SMARCD3: variants seen among roughly 807,000 people sequenced by gnomAD.
SMARCD3 encodes SWI/SNF-related matrix-associated actin-dependent regulator of chromatin subfamily D member 3.
A neutral mutation model predicts 58.0 loss-of-function variants in SMARCD3; 14 were observed. The observed-to-expected ratio is 0.24, with a 90% confidence interval of 0.16 to 0.38. SMARCD3 has a LOEUF of 0.38. Among genes scored for constraint, SMARCD3 ranks in the 10% least tolerant of loss-of-function variants. The probability of loss-of-function intolerance (pLI) is 1.00; values close to 1 mark genes in which losing one functional copy is unlikely to be tolerated. For missense variants in SMARCD3, 408 were observed against 636.9 expected (o/e 0.64, Z 3.87); for synonymous variants, 253 against 253.8 (o/e 1.00, Z 0.03).
At chr7:151,265,957 C>T (rs574196820) in intron 2 of SMARCD3, among the ~76,000 whole-genome samples, 1 of 152,176 alleles carries the variant, frequency 6.6e-6, no homozygotes, top group Admixed American at 6.5e-5. Flanking sequence ...AATTTAACCT[C>T]AATTTTTTCT....
At position 151,242,317 on chromosome 7, in the gene SMARCD3, G is replaced by A. The variant is rs1803035138; in HGVS notation, c.580-85C>T. 3.6e-6 allele frequency: 5 copies of A among 1,391,856 alleles called. No homozygotes were observed. The highest frequency in any genetic ancestry group is 3.1e-6 in the Non-Finnish European group (3 of 980,216). 86.2% of individuals were successfully genotyped at this position (1,391,856 alleles called of 1,614,324 possible). ...GGAGGCCAAGTTGGCAGCCGACAGG[G>A]CAGTGGGCTTAGATGAAATCCTCTG... On this transcript the variant is annotated intron_variant, in intron 5 of 12. Transcript: ENST00000262188. The surrounding 1 kb of genome is among the most constrained non-coding windows in gnomAD (Gnocchi z 4.7).
chr7:151,277,132 C>T (rs1291985747), upstream of SMARCD3: 1 of 150,844 alleles, frequency 6.6e-6, no homozygotes, highest in Admixed American at 6.6e-5. Flanking sequence ...GCTCGGCGCT[C>T]GGCTCGGCCC....
chr7:151,245,463 C>A lies in SMARCD3; in HGVS notation c.287G>T (p.Arg96Leu). 1 of 1,212,642 alleles carries A rather than the reference C, an allele frequency of 8.2e-7. No homozygotes were observed. Among genetic ancestry groups the A allele is most frequent in the Non-Finnish European group, 1.0e-6 (1 of 972,026 alleles). 75.1% of individuals were successfully genotyped at this position (1,212,642 alleles called of 1,614,324 possible). The change falls in exon 2 of 13, where the codon CGC becomes CTC. Residue 96 changes from arginine (R) to leucine (L), a missense_variant. Physicochemically the swap from Arg to Leu is moderately radical, Grantham distance 102 (BLOSUM62 -2). Around this residue, in one of 4 missense-constraint regions of SMARCD3, gnomAD observed 128 missense variants for 188.8 expected, o/e 0.68. Coordinates refer to ENST00000262188, the MANE Select transcript of SMARCD3 (RefSeq NM_001003801.2). The surrounding 1 kb of genome is among the most constrained non-coding windows in gnomAD (Gnocchi z 6.2). Reference sequence around the variant, plus strand: ...CCTCGCCGGGCCTCCCACTCACCTGCGGCTCCGCGCGGGGGCGGTGGGCAC... The same window carrying A: ...CCTCGCCGGGCCTCCCACTCACCTGAGGCTCCGCGCGGGGGCGGTGGGCAC... ...QPVPTAPARS[R>L]SAKRRKMADK...
At chr7:151,265,020 T>A (rs936689236) in intron 2 of SMARCD3, among the ~76,000 whole-genome samples, 2 of 152,144 alleles carry the variant, frequency 1.3e-5, no homozygotes, top group African/African-American at 4.8e-5. Flanking sequence ...GCCTGTCAGC[T>A]CCCTGAGGCT....
intron 2 of SMARCD3, among the ~76,000 whole-genome samples, chr7:151,259,610 T>TTTG (rs1803844545): frequency 3.4e-5 from 4 of 118,106 alleles, no homozygotes; most frequent in African/African-American, 1.2e-4. Flanking sequence ...AGTTTTTTTT[T>TTTG]TTTTTTTTTT....
chr7:151,255,289 C>T (rs1436026751), intron 2 of SMARCD3, among the ~76,000 whole-genome samples: 2 of 152,198 alleles, frequency 1.3e-5, no homozygotes, highest in Non-Finnish European at 2.9e-5. Context: ...TTCCAACATG[C>T]TCCACCTCTT....
chr7:151,251,088 G>T (rs1803494507), upstream of SMARCD3, among the ~76,000 whole-genome samples: 2 of 152,130 alleles, frequency 1.3e-5, no homozygotes, highest in Non-Finnish European at 1.5e-5. Flanking sequence ...GGGCACTCCA[G>T]TTTGGGTAGC....
Position 151,241,686 on chromosome 7 carries a change from AG to A in SMARCD3, c.778-34del, listed in dbSNP as rs1802993810. The A allele has an allele frequency of 6.3e-7, 1 of 1,591,980 alleles. No individual in the cohort carries two copies. The highest frequency in any genetic ancestry group is 1.7e-5 in the Admixed American group (1 of 57,546). ...AAGGGGACTGTGAAAGTTAGACCAA[AG>A]GGAGAGAAAGGAAGGAGCCCAGGGC... On this transcript the variant is annotated intron_variant, in intron 7 of 12. Transcript: ENST00000262188. This position sits in a 1 kb window ranked among gnomAD's most constrained non-coding sequence, Gnocchi z 5.3.
At chr7:151,256,757 C>T (rs1229285484) in intron 2 of SMARCD3, among the ~76,000 whole-genome samples, 1 of 152,104 alleles carries the variant, frequency 6.6e-6, no homozygotes, top group African/African-American at 2.4e-5. Context: ...AGCTTGTGCC[C>T]GTTTTCCCCT....
chr7:151,262,717 C>A (rs1803956356), intron 2 of SMARCD3, among the ~76,000 whole-genome samples: 1 of 152,274 alleles, frequency 6.6e-6, no homozygotes, highest in South Asian at 2.1e-4. Context: ...GCAGGGCTAC[C>A]CCAACAGGTG....
Position 151,240,149 on chromosome 7 carries a change from G to A in SMARCD3, c.1136C>T (p.Thr379Met), listed in dbSNP as rs772092145. Residue 379 changes from threonine (T) to methionine (M), a missense_variant, in exon 10 of 13, where the codon ACG becomes ATG. Around this residue, in one of 4 missense-constraint regions of SMARCD3, gnomAD observed 115 missense variants for 257.2 expected, o/e 0.45. Transcript: ENST00000262188. Reference sequence around the variant, plus strand: ...AGCACTGATCTCCTGCTGGTTGGCCGTGGATAGGAGGAAGCTGCTCATCTG... The same window carrying A: ...AGCACTGATCTCCTGCTGGTTGGCCATGGATAGGAGGAAGCTGCTCATCTG... ...KGQMSSFLLS[T>M]ANQQEISALD... The A allele has an allele frequency of 1.7e-5, 28 of 1,614,056 alleles. No homozygotes were observed. Among genetic ancestry groups the A allele is most frequent in the Non-Finnish European group, 1.8e-5 (21 of 1,180,056 alleles).
Position 151,245,338 on chromosome 7 carries a change from C to A in SMARCD3, c.290+122G>T. On this transcript the variant is annotated intron_variant, in intron 2 of 12. Transcript: ENST00000262188. The surrounding 1 kb of genome is among the most constrained non-coding windows in gnomAD (Gnocchi z 6.2). ...CCAGAGGGCATTCGACCCGGGAAGC[C>A]TCGCTCCCTGCTAATCATTCTTCCT... The A allele has an allele frequency of 2.4e-6, 1 of 411,084 alleles. No individual in the cohort carries two copies. 25.5% of individuals were successfully genotyped at this position (411,084 alleles called of 1,614,324 possible).
intron 2 of SMARCD3, among the ~76,000 whole-genome samples, chr7:151,274,439 A>C (rs1199526226): frequency 6.6e-6 from 1 of 152,220 alleles, no homozygotes; most frequent in Non-Finnish European, 1.5e-5. Flanking sequence ...CTTGAGGAGG[A>C]GGCTTAGGAA....
intron 2 of SMARCD3, among the ~76,000 whole-genome samples, chr7:151,257,119 G>A (rs1363163631): frequency 1.3e-5 from 2 of 152,124 alleles, no homozygotes; most frequent in Non-Finnish European, 2.9e-5. Context: ...TCAAACTCCC[G>A]GGCTCAAGTG....
In SMARCD3 at chr7:151,238,937, C is replaced by T; in HGVS notation, c.*166G>A. The T allele has an allele frequency of 8.6e-6, 9 of 1,047,276 alleles. No homozygotes were observed. Among genetic ancestry groups the T allele is most frequent in the South Asian group, 1.4e-5 (1 of 69,506 alleles). The allele number at this position is 1,047,276 out of a possible 1,614,324, so 64.9% of individuals were successfully genotyped here. On this transcript the variant is annotated 3_prime_UTR_variant, in exon 13 of 13. Transcript: ENST00000262188. The stretch of plus-strand genomic sequence containing the variant: ...CCTTCTTCCCTTCCCCTTCTCTCCC[C>T]CTCCCCTCCCCAGTTTCCAATGACC...
rs1308725758 is a variant in SMARCD3 at position 151,241,392 on chromosome 7, A to G, written c.939+100T>C. On this transcript the variant is annotated intron_variant, in intron 8 of 12. Coordinates refer to ENST00000262188, the MANE Select transcript of SMARCD3 (RefSeq NM_001003801.2). This position sits in a 1 kb window ranked among gnomAD's most constrained non-coding sequence, Gnocchi z 5.3. The stretch of plus-strand genomic sequence containing the variant: ...CTGTGTACTGCTTCTGCTACTCAGG[A>G]ATCTAGAAGGGAGGGGTGGTAGTTA... 1.0e-6 allele frequency: 1 copy of G among 999,460 alleles called. No homozygotes were observed. Among genetic ancestry groups the G allele is most frequent in the Admixed American group, 2.0e-5 (1 of 50,432 alleles). The allele number at this position is 999,460 out of a possible 1,614,324, so 61.9% of individuals were successfully genotyped here. A position where few individuals can be genotyped will look rare whatever the true frequency, so the allele number is the denominator to read the frequency against.
At chr7:151,240,604 A>G (rs967815986) in intron 8 of SMARCD3, 82 bp from the exon 9 acceptor site, 5 of 1,024,052 alleles carry the variant, frequency 4.9e-6, no homozygotes, top group Non-Finnish European at 7.3e-6. Context: ...TGTTCTAGAA[A>G]GGCCACAAGA....
At position 151,239,133 on chromosome 7, in the gene SMARCD3, C is replaced by T. The variant is rs35051203; in HGVS notation, c.1422G>A (p.Leu474=). Residue 474 remains leucine, a synonymous_variant, in exon 13 of 13, where the codon CTG becomes CTA. Transcript: ENST00000262188. This position sits in a 1 kb window ranked among gnomAD's most constrained non-coding sequence, Gnocchi z 7.0. ...TGTTGCGCACAACCAGCGACTGCTC[C>T]AGCTCCTGCCTGCGCTGCTGGATCT... ...YCKIQQRRQE[L]EQSLVVRNT The T allele has an allele frequency of 3.0e-3, 4,923 of 1,614,174 alleles. 120 individuals carry two copies. In the African/African-American group the frequency reaches 0.057, roughly 19 times the overall value.
rs1803365244 is a variant in SMARCD3 at position 151,248,191 on chromosome 7, G to A, written c.78+294C>T. ...GGAAAAGAACGAAAGTCAACCTGTC[G>A]GCTACAGCGAGGACCCCCTACTTGG... is the stretch of plus-strand genomic sequence containing the variant. On this transcript the variant is annotated intron_variant, in intron 1 of 12. Transcript: ENST00000262188. This position sits in a 1 kb window ranked among gnomAD's most constrained non-coding sequence, Gnocchi z 6.1. Among the ~76,000 whole-genome samples, 1 of 150,710 alleles carries A rather than the reference G, an allele frequency of 6.6e-6. No individual in the cohort carries two copies. Among genetic ancestry groups the A allele is most frequent in the South Asian group, 2.1e-4 (1 of 4,778 alleles).
Sources: allele counts gnomAD v4.1 joint callset (sites outside exome capture counted in the v4.1 genomes callset), GRCh38; gene constraint gnomAD v4.1.1; regional missense constraint gnomAD v4.1.1; non-coding constraint Gnocchi (gnomAD v3.1); transcripts MANE v1.5; gene names NCBI Gene and HGNC (gene_info 2026-07-23, HGNC 2026-07-21).